The following RFTN2 variants were observed in gnomAD, a reference collection of about 807,000 sequenced individuals.
RFTN2 encodes the protein raftlin family member 2, also known as raftlin-2.
Under a neutral mutation model 52.7 loss-of-function variants are expected in RFTN2, and 34 were observed. The observed-to-expected ratio is 0.64, with a 90% CI of 0.49 to 0.86. The LOEUF is 0.86. Among genes scored for constraint, RFTN2 ranks in the 40% least tolerant of loss-of-function variants. RFTN2 has a pLI of 0.00. For missense variants in RFTN2, 536 were observed against 600.1 expected, an observed-to-expected ratio of 0.89 and a Z score of 1.12; for synonymous variants, 203 against 217.7, an observed-to-expected ratio of 0.93 and a Z score of 0.59.
chr2:197,606,426 T>C (rs2087963059), intron 7 of RFTN2, among the ~76,000 whole-genome samples: 1 of 152,236 alleles, frequency 6.6e-6, no homozygotes, highest in African/African-American at 2.4e-5. Context: ...AGTGGGTTTA[T>C]CTGTAACTGC....
At chr2:197,638,157 A>C (rs1336211566) in intron 3 of RFTN2, among the ~76,000 whole-genome samples, 2 of 140,976 alleles carry the variant, frequency 1.4e-5, no homozygotes, top group Non-Finnish European at 3.1e-5. Flanking sequence ...CTTTACTTCC[A>C]ACTATGTGGT....
rs527652335 is a variant in RFTN2 at position 197,620,414 on chromosome 2, G to A, written c.929-2493C>T. Among the ~76,000 whole-genome samples the A allele has an allele frequency of 5.9e-5, 9 of 152,122 alleles. No individual in the cohort carries two copies. The South Asian group carries it at 1.9e-3, about 32-fold the overall frequency. The stretch of plus-strand genomic sequence containing the variant: ...TGGTCATGTGCTGCTTAAACATTTC[G>A]GTTTTTGTGTAGCACAATGTCACAT... On this transcript the variant is annotated intron_variant, in intron 5 of 8. Transcript: ENST00000295049.
chr2:197,640,600 C>T (rs1448538259), intron 3 of RFTN2, among the ~76,000 whole-genome samples: 9 of 150,412 alleles, frequency 6.0e-5, no homozygotes, highest in African/African-American at 7.3e-5. Flanking sequence ...GGCTCGCGCA[C>T]GGTGCGCGCA....
At chr2:197,601,088 G>A (rs1279037059) in intron 7 of RFTN2, among the ~76,000 whole-genome samples, 1 of 152,230 alleles carries the variant, frequency 6.6e-6, no homozygotes, top group African/African-American at 2.4e-5. Context: ...GGCAGGCTGA[G>A]TTCTCTGCAG....
intron 1 of RFTN2, among the ~76,000 whole-genome samples, chr2:197,654,215 G>A (rs945367676): frequency 3.9e-5 from 6 of 151,906 alleles, no homozygotes; most frequent in Non-Finnish European, 8.8e-5. Flanking sequence ...ATGAGACACT[G>A]TCTCTACAGA....
rs182087218 is a variant in RFTN2, at chr2:197,668,385, C to T, written c.139+6935G>A. ...CAGATTGGGGGCAGCAGTGGCCATG[C>T]TGCTGTCCTGCCACTGGGGAGGGAG... On this transcript the variant is annotated intron_variant, in intron 1 of 8. Coordinates refer to ENST00000295049, the MANE Select transcript of RFTN2 (RefSeq NM_144629.3). Among the ~76,000 whole-genome samples, 52 of 152,256 alleles carry T rather than the reference C, an allele frequency of 3.4e-4. 1 individual carries two copies. The East Asian group carries it at 9.6e-3, about 28-fold the overall frequency.
chr2:197,624,427 T>C (rs1292830743), intron 5 of RFTN2, among the ~76,000 whole-genome samples: 1 of 149,894 alleles, frequency 6.7e-6, no homozygotes, highest in East Asian at 2.0e-4. Flanking sequence ...GTGAAACCCA[T>C]CTCTACTAAA....
chr2:197,672,621 G>A (rs1233971737), intron 1 of RFTN2, among the ~76,000 whole-genome samples: 1 of 152,100 alleles, frequency 6.6e-6, no homozygotes, highest in African/African-American at 2.4e-5. Context: ...TCTTATATTA[G>A]GTCCTTTGAT....
chr2:197,614,668 A>C (rs1018453189), intron 7 of RFTN2, among the ~76,000 whole-genome samples: 34 of 152,304 alleles, frequency 2.2e-4, no homozygotes, highest in Non-Finnish European at 3.4e-4. Context: ...GCACCTGCCC[A>C]TCTGTGTGCT....
chr2:197,628,781 T>G, intron 5 of RFTN2, among the ~76,000 whole-genome samples: 1 of 152,210 alleles, frequency 6.6e-6, no homozygotes, highest in Non-Finnish European at 1.5e-5. Context: ...GGGAGTCACT[T>G]TACATTTATT....
Position 197,572,156 on chromosome 2 carries a change from G to A in RFTN2, c.1358C>T (p.Ser453Phe), listed in dbSNP as rs775564787. 6.2e-7 allele frequency: 1 copy of A among 1,614,130 alleles called. No individual in the cohort carries two copies. Among genetic ancestry groups the A allele is most frequent in the Non-Finnish European group, 8.5e-7 (1 of 1,180,050 alleles). Residue 453 changes from serine (S) to phenylalanine (F), a missense_variant, in exon 9 of 9, where the codon TCT (serine) becomes TTT (phenylalanine). Transcript: ENST00000295049. ...CTTTGTCCAGCATTCCCGGGAGGGA[G>A]AAAGGCGGCACTCCTCAGGCAGGTG... is the stretch of plus-strand genomic sequence containing the variant. ...SRHLPEECRL[S>F]PSRECWTKEG...
chr2:197,573,780 G>C (rs1003431692), intron 8 of RFTN2, among the ~76,000 whole-genome samples: 4 of 152,248 alleles, frequency 2.6e-5, no homozygotes, highest in African/African-American at 9.6e-5. Context: ...GGGCCTTGCT[G>C]CTTTGTGCAA....
intron 3 of RFTN2, among the ~76,000 whole-genome samples, chr2:197,643,926 A>C (rs1468537234): frequency 6.6e-6 from 1 of 152,168 alleles, no homozygotes; most frequent in Non-Finnish European, 1.5e-5. Flanking sequence ...GTTTGTCATT[A>C]AACTTCTTAT....
chr2:197,628,396 G>T (rs950909708), intron 5 of RFTN2, among the ~76,000 whole-genome samples: 4 of 152,154 alleles, frequency 2.6e-5, no homozygotes, highest in Non-Finnish European at 5.9e-5. Context: ...GTCTCCCTGG[G>T]GCTCTCTAAA....
At chr2:197,656,031 T>C (rs2088890364) in intron 1 of RFTN2, among the ~76,000 whole-genome samples, 1 of 152,144 alleles carries the variant, frequency 6.6e-6, no homozygotes, top group Non-Finnish European at 1.5e-5. Context: ...TATTAATATA[T>C]TTCACAAACA....
At chr2:197,574,425 A>G (rs1473038684) in intron 8 of RFTN2, among the ~76,000 whole-genome samples, 2 of 152,166 alleles carry the variant, frequency 1.3e-5, no homozygotes, top group Non-Finnish European at 2.9e-5. Context: ...TCCCACTTGG[A>G]ATAGATGTAT....
intron 7 of RFTN2, among the ~76,000 whole-genome samples, chr2:197,597,581 G>A (rs572244779): frequency 1.1e-4 from 17 of 151,950 alleles, no homozygotes; most frequent in African/African-American, 3.6e-4. Context: ...GTGCAGTGGC[G>A]TGATCTCGGC....
At chr2:197,631,591 C>G (rs990932055) in intron 4 of RFTN2, among the ~76,000 whole-genome samples, 1 of 152,118 alleles carries the variant, frequency 6.6e-6, no homozygotes, top group Admixed American at 6.5e-5. Flanking sequence ...TATGAATTGA[C>G]CTTTTGTTCA....
In RFTN2 at chr2:197,668,607, G is replaced by A. The variant is rs144899808; in HGVS notation, c.139+6713C>T. 7.0e-3 allele frequency among the ~76,000 whole-genome samples: 1,068 copies of A among 152,214 alleles called. 6 individuals are homozygous for A. The highest frequency in any genetic ancestry group is 0.019 in the South Asian group (93 of 4,824). Reference sequence around the variant, plus strand: ...GCACCTGGGTTGTACCTCAGGCCTGGCTGCAGTAGCCTGCATGCAGTCGCT... The same window carrying A: ...GCACCTGGGTTGTACCTCAGGCCTGACTGCAGTAGCCTGCATGCAGTCGCT... On this transcript the variant is annotated intron_variant, in intron 1 of 8. Transcript: ENST00000295049.
Sources: allele counts gnomAD v4.1 joint callset (sites outside exome capture counted in the v4.1 genomes callset), GRCh38; gene constraint gnomAD v4.1.1; transcripts MANE v1.5; gene names NCBI Gene and HGNC (gene_info 2026-07-23, HGNC 2026-07-21).